The following SPON1 variants were observed in gnomAD, a reference collection of about 807,000 sequenced individuals.
SPON1 encodes spondin-1.
A neutral mutation model predicts 111.7 loss-of-function variants in SPON1; 52 were observed. That is an observed-to-expected ratio of 0.47 (90% CI 0.37 to 0.59). The LOEUF (loss-of-function observed/expected upper bound fraction) is 0.59, where lower values mean the gene tolerates loss of function less well. Ranked by LOEUF, SPON1 falls within the 20% of genes least tolerant of loss-of-function variation. SPON1 has a pLI of 0.00. For missense variants in SPON1, 957 were observed against 1,068.5 expected (o/e 0.90, Z 1.46); for synonymous variants, 410 against 395.8 (o/e 1.04, Z -0.43).
At chr11:14,057,844 C>CAAAACAAAAA (rs1554919409) in intron 3 of SPON1, among the ~76,000 whole-genome samples, 1 of 125,460 alleles carries the variant, frequency 8.0e-6, no homozygotes, top group African/African-American at 2.9e-5. Flanking sequence ...AAAAAAAAAA[C>CAAAACAAAAA]AAAACAAAAA....
chr11:14,241,785 A>G (rs56051708), intron 6 of SPON1, among the ~76,000 whole-genome samples: 4,531 of 152,282 alleles, frequency 0.03, 84 homozygotes, highest in Non-Finnish European at 0.047. Flanking sequence ...GGAAGAAGGG[A>G]TACACTGTAA....
chr11:14,033,304 C>T (rs183824197), intron 2 of SPON1, among the ~76,000 whole-genome samples: 26 of 152,332 alleles, frequency 1.7e-4, no homozygotes, highest in African/African-American at 5.3e-4. Flanking sequence ...ATGCCACTTA[C>T]GTGGACTTTG....
At position 13,980,615 on chromosome 11, in the gene SPON1, C is replaced by T. The variant is rs569413602; in HGVS notation, c.239-2232C>T. ...CGTGCAGGTTTGTTACATGTGTATA[C>T]ATTAGGGCACTTCATTTTCAAGACT... On this transcript the variant is annotated intron_variant, in intron 1 of 15. Transcript: ENST00000576479. Among the ~76,000 whole-genome samples the T allele has an allele frequency of 7.2e-5, 11 of 152,190 alleles. No homozygotes were observed. In the South Asian group the frequency reaches 8.3e-4, roughly 11 times the overall value.
At chr11:14,213,311 G>A (rs1210000729) in intron 6 of SPON1, among the ~76,000 whole-genome samples, 1 of 152,108 alleles carries the variant, frequency 6.6e-6, no homozygotes, top group Non-Finnish European at 1.5e-5. Flanking sequence ...TTTCATCAGA[G>A]GGCTTTCATT....
intron 6 of SPON1, among the ~76,000 whole-genome samples, chr11:14,192,177 T>A (rs553570744): frequency 6.6e-6 from 1 of 151,892 alleles, no homozygotes; most frequent in East Asian, 1.9e-4. Flanking sequence ...AAAACAAAAT[T>A]TTAAAATATG....
chr11:14,196,328 G>A (rs11603589), intron 6 of SPON1, among the ~76,000 whole-genome samples: 13,434 of 152,174 alleles, frequency 0.088, 654 homozygotes, highest in Middle Eastern at 0.12. Context: ...GAGGGAAGAT[G>A]GGGAGTGACA....
chr11:14,029,134 C>A (rs1848540290), intron 2 of SPON1, among the ~76,000 whole-genome samples: 1 of 152,032 alleles, frequency 6.6e-6, no homozygotes, highest in Admixed American at 6.5e-5. Context: ...TACACACACA[C>A]ACACACACAC....
At chr11:14,160,778 A>T (rs1271152578) in intron 6 of SPON1, among the ~76,000 whole-genome samples, 2 of 46,024 alleles carry the variant, frequency 4.3e-5, no homozygotes, top group Admixed American at 8.8e-4. Context: ...ATTTATATAT[A>T]TTTTTATATA....
chr11:14,168,836 C>A (rs1169186024), intron 6 of SPON1, among the ~76,000 whole-genome samples: 19 of 152,226 alleles, frequency 1.2e-4, no homozygotes, highest in African/African-American at 4.3e-4. Context: ...TGAACTCATC[C>A]TTTTTTATGG....
intron 2 of SPON1, among the ~76,000 whole-genome samples, chr11:14,037,115 TTTA>T (rs1259032674): frequency 3.3e-5 from 5 of 151,950 alleles, no homozygotes; most frequent in African/African-American, 1.2e-4. Flanking sequence ...TTTTTTTAAT[TTTA>T]TTATTATTAT....
At chr11:14,025,285 C>G (rs1848509294) in intron 2 of SPON1, among the ~76,000 whole-genome samples, 1 of 152,184 alleles carries the variant, frequency 6.6e-6, no homozygotes, top group Non-Finnish European at 1.5e-5. Context: ...AATCGATTTC[C>G]TCTTCTCTAA....
intron 4 of SPON1, 31 bp from the exon 5 acceptor site, chr11:14,079,868 T>G: frequency 6.2e-7 from 1 of 1,613,776 alleles, no homozygotes; most frequent in South Asian, 1.1e-5. Flanking sequence ...ACGTTTACTT[T>G]CTAACTTGGT....
At chr11:13,972,895 G>A (rs781819110) in intron 1 of SPON1, among the ~76,000 whole-genome samples, 1 of 152,142 alleles carries the variant, frequency 6.6e-6, no homozygotes, top group Admixed American at 6.5e-5. Flanking sequence ...GGTGGCTCTT[G>A]CTTCAGGCAT....
At chr11:14,185,565 A>G (rs1193185962) in intron 6 of SPON1, among the ~76,000 whole-genome samples, 1 of 152,268 alleles carries the variant, frequency 6.6e-6, no homozygotes, top group African/African-American at 2.4e-5. Flanking sequence ...TGGATTATAC[A>G]TAGTTTACCA....
Position 14,111,515 on chromosome 11 carries a change from C to T in SPON1, c.677-23905C>T, listed in dbSNP as rs140104608. Among the ~76,000 whole-genome samples the T allele has an allele frequency of 5.0e-3, 761 of 152,230 alleles. 4 individuals carry two copies. The highest frequency in any genetic ancestry group is 0.015 in the Admixed American group (232 of 15,304). On this transcript the variant is annotated intron_variant, in intron 5 of 15. Coordinates refer to ENST00000576479, the MANE Select transcript of SPON1 (RefSeq NM_006108.4). ...CGATCATAGAAGGGAGGAATATGTA[C>T]GTACTAACAATCTAATAAGGTTACT... is the stretch of plus-strand genomic sequence containing the variant.
chr11:14,001,347 G>T lies in SPON1; in HGVS notation c.345+18394G>T, dbSNP rs114456210. The stretch of plus-strand genomic sequence containing the variant: ...TCAGGTTCTCACGGTGAAAATCAGA[G>T]AAATCTCCTCCAGCTTGAGGCATGG... On this transcript the variant is annotated intron_variant, in intron 2 of 15. Coordinates refer to ENST00000576479, the MANE Select transcript of SPON1 (RefSeq NM_006108.4). Among the ~76,000 whole-genome samples, 801 of 152,268 alleles carry T rather than the reference G, an allele frequency of 5.3e-3. 9 individuals are homozygous for T. Among genetic ancestry groups the T allele is most frequent in the African/African-American group, 0.018 (740 of 41,554 alleles).
intron 2 of SPON1, among the ~76,000 whole-genome samples, chr11:13,997,461 G>T (rs1848282456): frequency 6.6e-6 from 1 of 152,180 alleles, no homozygotes. Context: ...ATAAAATAAT[G>T]TATGTAAAAT....
At chr11:13,963,637 T>A (rs1373012530) in intron 1 of SPON1, among the ~76,000 whole-genome samples, 18 of 151,894 alleles carry the variant, frequency 1.2e-4, no homozygotes, top group Admixed American at 1.2e-3. Flanking sequence ...CCACTCCGGC[T>A]TCCCTGGATA....
intron 5 of SPON1, among the ~76,000 whole-genome samples, chr11:14,091,003 G>C (rs1849050400): frequency 6.6e-6 from 1 of 151,966 alleles, no homozygotes. Flanking sequence ...GGCCCCACCA[G>C]AGCAGCTAGA....
Sources: gnomAD v4.1 joint callset for allele counts (sites outside exome capture counted in the v4.1 genomes callset) on GRCh38, gnomAD v4.1.1 for gene constraint, MANE v1.5 for transcripts, NCBI Gene and HGNC (gene_info 2026-07-23, HGNC 2026-07-21) for gene names.